Variants in GALNT13 observed in about 807,000 individuals in gnomAD.
The protein encoded by GALNT13 is polypeptide N-acetylgalactosaminyltransferase 13.
GALNT13 carries 28 observed loss-of-function variants against 64.2 expected under a neutral mutation model. That is an observed-to-expected ratio of 0.44 (90% CI 0.32 to 0.60). GALNT13 has a LOEUF of 0.60. Ranked by LOEUF, GALNT13 falls within the 20% of genes least tolerant of loss-of-function variation. The pLI, the probability that GALNT13 is intolerant of heterozygous loss-of-function variation, is 0.05. For missense variants in GALNT13, 577 were observed against 669.8 expected, an observed-to-expected ratio of 0.86 and a Z score of 1.53; for synonymous variants, 214 against 224.6, an observed-to-expected ratio of 0.95 and a Z score of 0.42.
intron 4 of GALNT13, among the ~76,000 whole-genome samples, chr2:154,225,203 C>T (rs1214361797): frequency 9.1e-6 from 1 of 109,938 alleles, no homozygotes; most frequent in Non-Finnish European, 2.0e-5. Context: ...GATACAGAGA[C>T]TGAGAGACTG....
the GALNT13 span, among the ~76,000 whole-genome samples, chr2:153,378,175 C>G: frequency 6.6e-6 from 1 of 151,898 alleles, no homozygotes; most frequent in Non-Finnish European, 1.5e-5. Context: ...CATTTATACT[C>G]CATTATTTTG....
At chr2:153,219,519 A>C in the GALNT13 span, among the ~76,000 whole-genome samples, 2 of 152,200 alleles carry the variant, frequency 1.3e-5, no homozygotes, top group African/African-American at 2.4e-5. Context: ...CCTCTTCTGC[A>C]CTGCAGGTGA....
the GALNT13 span, among the ~76,000 whole-genome samples, chr2:153,247,536 T>G: frequency 2.0e-5 from 3 of 151,642 alleles, no homozygotes; most frequent in South Asian, 4.2e-4. Context: ...CACTGAATGA[T>G]AAATAATAAA....
the GALNT13 span, among the ~76,000 whole-genome samples, chr2:153,269,103 T>C: frequency 6.6e-6 from 1 of 152,236 alleles, no homozygotes; most frequent in Non-Finnish European, 1.5e-5. Context: ...GGCTTGAATT[T>C]CTTTCCAGAA....
At chr2:153,499,891 C>T in the GALNT13 span, among the ~76,000 whole-genome samples, 5 of 152,016 alleles carry the variant, frequency 3.3e-5, no homozygotes, top group Admixed American at 6.6e-5. Context: ...TGCACAGCTG[C>T]GGCTGGGCAG....
intron 1 of GALNT13, among the ~76,000 whole-genome samples, chr2:153,897,325 C>G (rs541085437): frequency 3.9e-5 from 6 of 152,004 alleles, no homozygotes; most frequent in Admixed American, 2.0e-4. Flanking sequence ...TATAAGAGTT[C>G]AGATCAGATA....
At chr2:154,321,225 T>A (rs1694605355) in intron 9 of GALNT13, among the ~76,000 whole-genome samples, 1 of 152,086 alleles carries the variant, frequency 6.6e-6, no homozygotes, top group African/African-American at 2.4e-5. Flanking sequence ...GGCTACATCA[T>A]GATGGACACT....
the GALNT13 span, among the ~76,000 whole-genome samples, chr2:153,291,493 A>G: frequency 0.53 from 79,830 of 151,842 alleles, 21,708 homozygotes; most frequent in Middle Eastern, 0.65. Flanking sequence ...AAGATTTCGT[A>G]TGTGAATTTT....
chr2:154,417,254 G>C (rs1449604030), intron 11 of GALNT13, among the ~76,000 whole-genome samples: 1 of 131,170 alleles, frequency 7.6e-6, no homozygotes, highest in Non-Finnish European at 1.6e-5. Context: ...CGAAATTATC[G>C]CTCCCAGTTG....
chr2:153,752,355 T>C, the GALNT13 span, among the ~76,000 whole-genome samples: 2 of 152,108 alleles, frequency 1.3e-5, no homozygotes, highest in African/African-American at 4.8e-5. Flanking sequence ...GGTAACTACT[T>C]ATTGTTCATT....
At chr2:153,704,157 TATTCA>T in the GALNT13 span, among the ~76,000 whole-genome samples, 347 of 152,250 alleles carry the variant, frequency 2.3e-3, 1 homozygote, top group African/African-American at 8.2e-3. Flanking sequence ...GGCATTCCAT[TATTCA>T]AAACTTTCTC....
chr2:154,248,267 TA>T (rs1475275160), intron 7 of GALNT13, among the ~76,000 whole-genome samples: 2 of 152,008 alleles, frequency 1.3e-5, no homozygotes, highest in Non-Finnish European at 2.9e-5. Context: ...AAGTAAAGCT[TA>T]ACATGGTCAT....
chr2:153,319,621 A>C, the GALNT13 span, among the ~76,000 whole-genome samples: 1 of 152,178 alleles, frequency 6.6e-6, no homozygotes, highest in Non-Finnish European at 1.5e-5. Flanking sequence ...AGTGATTAAC[A>C]AGATTGTTTC....
chr2:153,192,303 T>G, the GALNT13 span, among the ~76,000 whole-genome samples: 3 of 152,068 alleles, frequency 2.0e-5, no homozygotes, highest in Non-Finnish European at 4.4e-5. Flanking sequence ...CCAGTGGTTG[T>G]TCGGGAGTAT....
At chr2:153,190,211 T>C in the GALNT13 span, among the ~76,000 whole-genome samples, 2 of 152,072 alleles carry the variant, frequency 1.3e-5, no homozygotes, top group African/African-American at 4.8e-5. Flanking sequence ...TTTCTTCTAA[T>C]AGTTTTATAG....
intron 4 of GALNT13, among the ~76,000 whole-genome samples, chr2:154,150,527 T>C (rs971983098): frequency 6.6e-6 from 1 of 152,186 alleles, no homozygotes; most frequent in Non-Finnish European, 1.5e-5. Flanking sequence ...CTTGTACCTC[T>C]GGTAGAATTC....
chr2:153,727,047 A>T, the GALNT13 span, among the ~76,000 whole-genome samples: 1 of 152,160 alleles, frequency 6.6e-6, no homozygotes, highest in Non-Finnish European at 1.5e-5. Flanking sequence ...GCTGATCTGA[A>T]ATCACACAAT....
the GALNT13 span, among the ~76,000 whole-genome samples, chr2:153,226,790 C>T: frequency 1.3e-5 from 2 of 152,098 alleles, no homozygotes; most frequent in East Asian, 1.9e-4. Context: ...ATGACAGAAA[C>T]GTGAATGAAG....
the GALNT13 span, among the ~76,000 whole-genome samples, chr2:153,444,145 A>G: frequency 6.6e-6 from 1 of 152,016 alleles, no homozygotes; most frequent in African/African-American, 2.4e-5. Flanking sequence ...TTATTCATCT[A>G]TCTACCTATC....
Sources: allele counts gnomAD v4.1 joint callset (sites outside exome capture counted in the v4.1 genomes callset), GRCh38; gene constraint gnomAD v4.1.1; transcripts MANE v1.5; gene names NCBI Gene and HGNC (gene_info 2026-07-23, HGNC 2026-07-21).